The following ELOVL6 variants were observed in gnomAD, a reference collection of about 807,000 sequenced individuals.
ELOVL6 encodes the protein ELOVL fatty acid elongase 6, also known as very long chain fatty acid elongase 6.
Under a neutral mutation model 31.7 loss-of-function variants are expected in ELOVL6, and 8 were observed. The ratio of observed to expected loss-of-function variants is 0.25; its 90% CI spans 0.15 to 0.45. ELOVL6 has a LOEUF of 0.45. Among genes scored for constraint, ELOVL6 ranks in the 20% least tolerant of loss-of-function variants. The probability of loss-of-function intolerance (pLI) is 1.00; values close to 1 mark genes in which losing one functional copy is unlikely to be tolerated. For missense variants in ELOVL6, 126 were observed against 326.4 expected, an observed-to-expected ratio of 0.39 and a Z score of 4.73; for synonymous variants, 101 against 117.7, an observed-to-expected ratio of 0.86 and a Z score of 0.92.
intron 1 of ELOVL6, among the ~76,000 whole-genome samples, chr4:110,140,663 A>G (rs1333424912): frequency 6.6e-6 from 1 of 151,948 alleles, no homozygotes; most frequent in Non-Finnish European, 1.5e-5. Context: ...ACAGATACTC[A>G]AAGTTTTAGC....
intron 1 of ELOVL6, among the ~76,000 whole-genome samples, chr4:110,154,566 T>C (rs538935062): frequency 6.6e-6 from 1 of 152,352 alleles, no homozygotes; most frequent in South Asian, 2.1e-4. Flanking sequence ...ATTTTTATTA[T>C]TAATAGAGAC....
At chr4:110,073,562 C>T (rs1755549619) in intron 2 of ELOVL6, among the ~76,000 whole-genome samples, 1 of 152,160 alleles carries the variant, frequency 6.6e-6, no homozygotes, top group South Asian at 2.1e-4. Flanking sequence ...TCACAGATTC[C>T]CAGACTACTG....
At chr4:110,096,276 T>C (rs1462017930) in intron 2 of ELOVL6, among the ~76,000 whole-genome samples, 1 of 152,180 alleles carries the variant, frequency 6.6e-6, no homozygotes, top group African/African-American at 2.4e-5. Context: ...CAGACCAAGT[T>C]GCATGGACCC....
intron 1 of ELOVL6, among the ~76,000 whole-genome samples, chr4:110,107,934 T>C (rs1429025680): frequency 1.3e-5 from 2 of 152,142 alleles, no homozygotes; most frequent in African/African-American, 4.8e-5. Context: ...GGCTTAGAGG[T>C]AAAGTAGCCC....
chr4:110,127,029 A>T (rs1757517991), intron 1 of ELOVL6, among the ~76,000 whole-genome samples: 1 of 152,184 alleles, frequency 6.6e-6, no homozygotes, highest in Admixed American at 6.5e-5. Context: ...AAAAGAGAGG[A>T]AAAGGAAAAG....
At chr4:110,158,550 T>C (rs1369745321) in intron 1 of ELOVL6, among the ~76,000 whole-genome samples, 5 of 147,608 alleles carry the variant, frequency 3.4e-5, no homozygotes, top group Non-Finnish European at 7.4e-5. Context: ...GCCAAGATAT[T>C]GGAGAGAGAT....
intron 1 of ELOVL6, among the ~76,000 whole-genome samples, chr4:110,165,478 T>C (rs963241523): frequency 2.6e-5 from 4 of 152,210 alleles, no homozygotes; most frequent in Non-Finnish European, 4.4e-5. Flanking sequence ...TCTCAGCTAC[T>C]GCTGCTCATC....
intron 1 of ELOVL6, among the ~76,000 whole-genome samples, chr4:110,181,607 C>T (rs1230373505): frequency 2.7e-5 from 3 of 112,562 alleles, no homozygotes; most frequent in African/African-American, 4.8e-5. Flanking sequence ...TGATCAACTA[C>T]AGGGTTAACT....
At chr4:110,147,658 G>T (rs1243803175) in intron 1 of ELOVL6, among the ~76,000 whole-genome samples, 1 of 151,848 alleles carries the variant, frequency 6.6e-6, no homozygotes, top group African/African-American at 2.4e-5. Flanking sequence ...GGGTATGGTG[G>T]TGTGTGCCTG....
chr4:110,121,895 C>T (rs1284149910), intron 1 of ELOVL6, among the ~76,000 whole-genome samples: 2 of 152,218 alleles, frequency 1.3e-5, no homozygotes, highest in Admixed American at 1.3e-4. Context: ...CCAGAGAAAT[C>T]TGTAAGAAAA....
rs780807092 is a variant in ELOVL6, at chr4:110,158,635, G to GTATATATATATA, written c.89+39600_89+39611dup. On this transcript the variant is annotated intron_variant, in intron 1 of 3. Coordinates refer to ENST00000302274, the MANE Select transcript of ELOVL6 (RefSeq NM_024090.3). ...TATATACACACACATATATACACGT[G>GTATATATATATA]TATATATATATATATATATATATTT... 7.5e-4 allele frequency among the ~76,000 whole-genome samples: 61 copies of GTATATATATATA among 81,548 alleles called. 1 individual carries two copies. Among genetic ancestry groups the GTATATATATATA allele is most frequent in the African/African-American group, 2.2e-3 (38 of 17,110 alleles). The allele number at this position is 81,548 out of a possible 152,430, so 53.5% of individuals were successfully genotyped here. A position where few individuals can be genotyped will look rare whatever the true frequency, so the allele number is the denominator to read the frequency against.
At chr4:110,064,512 G>A (rs1755242669) in intron 2 of ELOVL6, among the ~76,000 whole-genome samples, 1 of 152,048 alleles carries the variant, frequency 6.6e-6, no homozygotes, top group African/African-American at 2.4e-5. Flanking sequence ...TGCACAGGCT[G>A]GAGTGCAGTG....
chr4:110,066,790 G>A (rs1184818758), intron 2 of ELOVL6, among the ~76,000 whole-genome samples: 1 of 151,920 alleles, frequency 6.6e-6, no homozygotes, highest in Non-Finnish European at 1.5e-5. Flanking sequence ...GGATACATGT[G>A]CAGAACGTGC....
At chr4:110,141,072 GTT>G (rs930785243) in intron 1 of ELOVL6, among the ~76,000 whole-genome samples, 38 of 150,900 alleles carry the variant, frequency 2.5e-4, no homozygotes, top group Non-Finnish European at 7.4e-5. Context: ...GGTTTTTTTT[GTT>G]TTTTTTGAGA....
At chr4:110,058,781 A>G (rs1324353731) in intron 3 of ELOVL6, among the ~76,000 whole-genome samples, 1 of 152,160 alleles carries the variant, frequency 6.6e-6, no homozygotes, top group Non-Finnish European at 1.5e-5. Context: ...GCAGGTGAAA[A>G]AAAACCCAGA....
chr4:110,189,592 CAAAAAAA>C lies in ELOVL6; in HGVS notation c.89+8648_89+8654del, dbSNP rs761765202. Among the ~76,000 whole-genome samples, 32 of 75,354 alleles carry C rather than the reference CAAAAAAA, an allele frequency of 4.2e-4. 1 individual carries two copies. The highest frequency in any genetic ancestry group is 3.3e-3 in the Admixed American group (18 of 5,386). The allele number at this position is 75,354 out of a possible 152,430, so 49.4% of individuals were successfully genotyped here. ...TGGGAGACACAGCAAGACTCTGTCT[CAAAAAAA>C]AAAAAAAAAAAAAAAGAGAGAGAGA... On this transcript the variant is annotated intron_variant, in intron 1 of 3. Coordinates refer to ENST00000302274, the MANE Select transcript of ELOVL6 (RefSeq NM_024090.3).
chr4:110,184,746 T>C (rs1367469047), intron 1 of ELOVL6, among the ~76,000 whole-genome samples: 1 of 151,882 alleles, frequency 6.6e-6, no homozygotes, highest in African/African-American at 2.4e-5. Flanking sequence ...GGGAGATGAG[T>C]ACTTTCATGC....
chr4:110,145,697 TAAA>T (rs34563907), intron 1 of ELOVL6, among the ~76,000 whole-genome samples: 4 of 150,080 alleles, frequency 2.7e-5, no homozygotes, highest in African/African-American at 2.4e-5. Flanking sequence ...AGAGACTGTC[TAAA>T]AAAAAAAAAC....
intron 1 of ELOVL6, among the ~76,000 whole-genome samples, chr4:110,121,269 T>C (rs1472952822): frequency 6.6e-6 from 1 of 152,244 alleles, no homozygotes; most frequent in Non-Finnish European, 1.5e-5. Flanking sequence ...AGCATGTATC[T>C]ATAAATGTGT....
Sources: allele counts gnomAD v4.1 joint callset (sites outside exome capture counted in the v4.1 genomes callset), GRCh38; gene constraint gnomAD v4.1.1; transcripts MANE v1.5; gene names NCBI Gene and HGNC (gene_info 2026-07-23, HGNC 2026-07-21).